Variants in GPRC6A observed in about 807,000 individuals in gnomAD.
The protein encoded by GPRC6A is G protein-coupled receptor class C group 6 member A.
GPRC6A carries 54 observed loss-of-function variants against 47.0 expected under a neutral mutation model. The observed-to-expected ratio is 1.15, with a 90% CI of 0.92 to 1.44. GPRC6A has a LOEUF of 1.44. Among genes scored for constraint, GPRC6A ranks in the 40% most tolerant of loss-of-function variants. The probability of loss-of-function intolerance (pLI) is 0.00; values close to 1 mark genes in which losing one functional copy is unlikely to be tolerated. For synonymous variants in GPRC6A, 347 were observed against 377.1 expected, an observed-to-expected ratio of 0.92 and a Z score of 0.93; for missense variants, 1,112 against 1,105.5, an observed-to-expected ratio of 1.01 and a Z score of -0.08.
chr6:116,816,235 A>G (rs551383106), intron 1 of GPRC6A, among the ~76,000 whole-genome samples: 1 of 152,338 alleles, frequency 6.6e-6, no homozygotes, highest in African/African-American at 2.4e-5. Flanking sequence ...CCTTCTGCCT[A>G]TGAGCCTGCA....
chr6:116,825,180 C>G lies in GPRC6A; in HGVS notation c.194+3640G>C, dbSNP rs554741004. ...CTTTTCTCTAAGAAGTGGAGCAAGA[C>G]AAGGATGCCCACTTTCACCACTCTT... On this transcript the variant is annotated intron_variant, in intron 1 of 5. Transcript: ENST00000310357. Among the ~76,000 whole-genome samples the G allele has an allele frequency of 6.6e-5, 10 of 152,146 alleles. No individual in the cohort carries two copies. In the South Asian group the frequency reaches 2.1e-3, roughly 32 times the overall value.
At position 116,821,667 on chromosome 6, in the gene GPRC6A, C is replaced by G. The variant is rs958857969; in HGVS notation, c.194+7153G>C. 2.0e-4 allele frequency among the ~76,000 whole-genome samples: 30 copies of G among 152,138 alleles called. No individual in the cohort carries two copies. The South Asian group carries it at 2.9e-3, about 15-fold the overall frequency. The stretch of plus-strand genomic sequence containing the variant: ...AAACTGGCTAGCCATATGTAGAAAG[C>G]TGAAACTGGATCCCTTCCTTACACC... On this transcript the variant is annotated intron_variant, in intron 1 of 5. Transcript: ENST00000310357.
intron 1 of GPRC6A, among the ~76,000 whole-genome samples, chr6:116,828,386 T>A (rs1438456953): frequency 7.1e-6 from 1 of 140,464 alleles, no homozygotes; most frequent in African/African-American, 2.5e-5. Flanking sequence ...GAATGCAGTG[T>A]TGAAAAAAAA....
intron 3 of GPRC6A, among the ~76,000 whole-genome samples, chr6:116,802,078 A>G (rs1466718934): frequency 6.6e-6 from 1 of 152,134 alleles, no homozygotes; most frequent in African/African-American, 2.4e-5. Flanking sequence ...TGTTTGAACT[A>G]TAATTTCTAC....
chr6:116,796,457 A>G (rs2114579582), intron 4 of GPRC6A, among the ~76,000 whole-genome samples: 1 of 152,276 alleles, frequency 6.6e-6, no homozygotes, highest in African/African-American at 2.4e-5. Flanking sequence ...TTCTACTTTT[A>G]TGGAACCGTA....
chr6:116,808,104 C>T (rs1038318966), intron 2 of GPRC6A, among the ~76,000 whole-genome samples: 20 of 151,748 alleles, frequency 1.3e-4, no homozygotes, highest in East Asian at 3.9e-4. Context: ...AATTTGGGAA[C>T]GTTATTTAAT....
At chr6:116,819,643 A>G (rs1184427499) in intron 1 of GPRC6A, among the ~76,000 whole-genome samples, 1 of 152,192 alleles carries the variant, frequency 6.6e-6, no homozygotes, top group Non-Finnish European at 1.5e-5. Flanking sequence ...AGAAATAAAG[A>G]TGTTCTTTGA....
In GPRC6A at chr6:116,828,865, GACA is replaced by G. The variant is rs1463817401; in HGVS notation, c.146_148del (p.Leu49del). On this transcript the variant is annotated inframe_deletion, in exon 1 of 6. Coordinates refer to ENST00000310357, the MANE Select transcript of GPRC6A (RefSeq NM_148963.4). ...TGGTCGTCTGGGAGAGTCTTCTGAG[GACA>G]ACATTTTTTCATGAATAGCAAACAA... 2.5e-6 allele frequency: 4 copies of G among 1,613,038 alleles called. No individual in the cohort carries two copies. In the African/African-American group the frequency reaches 5.3e-5, roughly 22 times the overall value.
At chr6:116,819,099 A>G (rs112211726) in intron 1 of GPRC6A, among the ~76,000 whole-genome samples, 2 of 152,170 alleles carry the variant, frequency 1.3e-5, no homozygotes, top group Non-Finnish European at 2.9e-5. Flanking sequence ...CAAAGATCAA[A>G]AGAGACAAAG....
At chr6:116,810,011 A>G (rs1582465751) in intron 1 of GPRC6A, among the ~76,000 whole-genome samples, 1 of 152,232 alleles carries the variant, frequency 6.6e-6, no homozygotes, top group East Asian at 1.9e-4. Context: ...GTGATTGGAA[A>G]CCAGATAAAT....
intron 1 of GPRC6A, among the ~76,000 whole-genome samples, chr6:116,821,840 AAAAGCC>A (rs1358311248): frequency 6.6e-6 from 1 of 151,290 alleles, no homozygotes; most frequent in Non-Finnish European, 1.5e-5. Context: ...CAATGGCAAC[AAAAGCC>A]AAAATTGACA....
chr6:116,811,717 A>C (rs1256709058), intron 1 of GPRC6A, among the ~76,000 whole-genome samples: 2 of 152,184 alleles, frequency 1.3e-5, no homozygotes, highest in Non-Finnish European at 2.9e-5. Flanking sequence ...AATGAACAAC[A>C]TAACACATTT....
intron 4 of GPRC6A, among the ~76,000 whole-genome samples, chr6:116,798,059 C>T (rs1323427807): frequency 6.6e-6 from 1 of 152,142 alleles, no homozygotes; most frequent in Non-Finnish European, 1.5e-5. Flanking sequence ...ATTGTTGAAG[C>T]CACAGTGGGG....
rs763049439 is a variant in GPRC6A, at chr6:116,806,735, C to A, written c.970G>T (p.Val324Leu). The part of the protein sequence containing the change: ...IPNVKKIGKV[V>L]GFAFRRGNIS... ...TTCCCTCTTCTAAAGGCAAACCCTACAACTTTGCCAATCTTTTTAACATTA... is the reference window on the plus strand; with the variant it reads ...TTCCCTCTTCTAAAGGCAAACCCTAAAACTTTGCCAATCTTTTTAACATTA... The change falls in exon 3 of 6, where the codon GTA becomes TTA. Residue 324 changes from valine to leucine, a missense_variant. By Grantham distance (32) the Val-to-Leu change is conservative. Transcript: ENST00000310357. 1 of 1,613,390 alleles carries A rather than the reference C, an allele frequency of 6.2e-7. No individual in the cohort carries two copies. The highest frequency in any genetic ancestry group is 8.5e-7 in the Non-Finnish European group (1 of 1,179,554).
rs35974500 is a variant in GPRC6A at position 116,818,532 on chromosome 6, TAAAA to T, written c.195-8919_195-8916del. Among the ~76,000 whole-genome samples, 72 of 15,502 alleles carry T rather than the reference TAAAA, an allele frequency of 4.6e-3. 7 individuals are homozygous for T. Among genetic ancestry groups the T allele is most frequent in the Non-Finnish European group, 9.0e-3 (53 of 5,888 alleles). The allele number at this position is 15,502 out of a possible 152,430, so 10.2% of individuals were successfully genotyped here. A position where few individuals can be genotyped will look rare whatever the true frequency, so the allele number is the denominator to read the frequency against. On this transcript the variant is annotated intron_variant, in intron 1 of 5. Transcript: ENST00000310357. ...CTGGGCGACAGAGCGAGACTCCGTC[TAAAA>T]AAAAAAAAAAAAAAAAAAAAAAAAA...
Position 116,792,607 on chromosome 6 carries a change from T to A in GPRC6A, c.2316A>T (p.Lys772Asn). The change falls in exon 6 of 6, where the codon AAA (lysine) becomes AAT (asparagine). Residue 772 changes from lysine to asparagine, a missense_variant. By Grantham distance (94) the Lys-to-Asn change is moderately conservative (BLOSUM62 0). Coordinates refer to ENST00000310357, the MANE Select transcript of GPRC6A (RefSeq NM_148963.4). ...CTTCATTGTAATTCTCATATTTGCC[T>A]TTGAAAGCAAATATGAAGCAAATGA... Reference protein sequence around the residue: ...LAFICFIFAFKGKYENYNEAK... With the variant: ...LAFICFIFAFNGKYENYNEAK... 1 of 1,510,378 alleles carries A rather than the reference T, an allele frequency of 6.6e-7. No individual in the cohort carries two copies. The highest frequency in any genetic ancestry group is 8.9e-7 in the Non-Finnish European group (1 of 1,120,320). The allele number at this position is 1,510,378 out of a possible 1,614,324, so 93.6% of individuals were successfully genotyped here.
intron 1 of GPRC6A, among the ~76,000 whole-genome samples, chr6:116,818,914 G>T (rs1338709594): frequency 6.6e-6 from 1 of 152,100 alleles, no homozygotes. Flanking sequence ...CAGACTGGCA[G>T]ATTGGATAAA....
At chr6:116,826,467 T>C (rs1010003791) in intron 1 of GPRC6A, among the ~76,000 whole-genome samples, 2 of 151,816 alleles carry the variant, frequency 1.3e-5, no homozygotes, top group Admixed American at 6.6e-5. Context: ...GAAATGCAAA[T>C]TGAAACCACA....
chr6:116,822,865 A>AT (rs540726839), intron 1 of GPRC6A, among the ~76,000 whole-genome samples: 234 of 150,130 alleles, frequency 1.6e-3, no homozygotes, highest in South Asian at 8.7e-3. Flanking sequence ...TATAATAATA[A>AT]AAAAAAAGAA....
Sources: allele counts gnomAD v4.1 joint callset (sites outside exome capture counted in the v4.1 genomes callset), GRCh38; gene constraint gnomAD v4.1.1; transcripts MANE v1.5; gene names NCBI Gene and HGNC (gene_info 2026-07-23, HGNC 2026-07-21).